Variants in TRPM8 observed in about 807,000 individuals in gnomAD.
TRPM8 encodes TRPM8 cationic channel.
Under a neutral mutation model 133.7 loss-of-function variants are expected in TRPM8, and 110 were observed. The ratio of observed to expected loss-of-function variants is 0.82; its 90% confidence interval spans 0.70 to 0.96. The LOEUF (loss-of-function observed/expected upper bound fraction) is 0.96. Among genes scored for constraint, TRPM8 ranks in the 40% least tolerant of loss-of-function variants. The pLI, the probability that TRPM8 is intolerant of heterozygous loss-of-function variation, is 0.00. For missense variants in TRPM8, 1,291 were observed against 1,379.5 expected, an observed-to-expected ratio of 0.94 and a Z score of 1.02; for synonymous variants, 535 against 532.3, an observed-to-expected ratio of 1.01 and a Z score of -0.07.
intron 21 of TRPM8, among the ~76,000 whole-genome samples, chr2:233,991,094 G>A (rs1692265042): frequency 6.6e-6 from 1 of 152,092 alleles, no homozygotes; most frequent in South Asian, 2.1e-4. Context: ...AGGAGAGGTA[G>A]AAGCAGGGGA....
intron 3 of TRPM8, among the ~76,000 whole-genome samples, chr2:233,932,719 T>G (rs1691704904): frequency 6.6e-6 from 1 of 151,906 alleles, no homozygotes; most frequent in Non-Finnish European, 1.5e-5. Context: ...CCTCAGGGTC[T>G]TCCAGTTCCC....
intron 11 of TRPM8, among the ~76,000 whole-genome samples, chr2:233,958,262 A>G (rs1299627163): frequency 6.6e-6 from 1 of 152,180 alleles, no homozygotes; most frequent in Non-Finnish European, 1.5e-5. Context: ...CCTCGCAACC[A>G]TCTATTTCTT....
chr2:234,016,815 G>T (rs1407802105), intron 25 of TRPM8, among the ~76,000 whole-genome samples: 2 of 152,124 alleles, frequency 1.3e-5, no homozygotes, highest in Non-Finnish European at 2.9e-5. Flanking sequence ...TTTAAGGAAG[G>T]TCCCTGGAAG....
intron 3 of TRPM8, among the ~76,000 whole-genome samples, chr2:233,934,975 T>G (rs1691760257): frequency 6.6e-6 from 1 of 152,202 alleles, no homozygotes; most frequent in Non-Finnish European, 1.5e-5. Flanking sequence ...TTAAATAAGG[T>G]GAACAGTAAA....
chr2:233,975,651 C>T (rs745509850), intron 17 of TRPM8, among the ~76,000 whole-genome samples: 4 of 152,184 alleles, frequency 2.6e-5, no homozygotes, highest in African/African-American at 4.8e-5. Context: ...GAGGCCAAGG[C>T]GGGCGGATCA....
At chr2:233,985,893 T>C in intron 21 of TRPM8, 28 bp downstream of exon 21, 4 of 1,586,538 alleles carry the variant, frequency 2.5e-6, no homozygotes, top group Non-Finnish European at 3.4e-6. Flanking sequence ...TGTTCACTGA[T>C]GTCCACCCTG....
At position 233,970,371 on chromosome 2, in the gene TRPM8, C is replaced by T. The variant is rs148846269; in HGVS notation, c.2300C>T (p.Pro767Leu). 6.2e-7 allele frequency: 1 copy of T among 1,614,024 alleles called. No homozygotes were observed. Among genetic ancestry groups the T allele is most frequent in the South Asian group, 1.1e-5 (1 of 91,080 alleles). Residue 767 changes from proline (P) to leucine (L), a missense_variant, in exon 17 of 26, where the codon CCC becomes CTC. Transcript: ENST00000324695. ...LMDFHSVPHP[P>L]ELVLYSLVFV... is the part of the protein sequence containing the mutation. Reference sequence around the variant, plus strand: ...GATTTCCATTCGGTGCCACACCCCCCCGAGCTGGTCCTGTACTCGCTGGTC... The same window carrying T: ...GATTTCCATTCGGTGCCACACCCCCTCGAGCTGGTCCTGTACTCGCTGGTC...
intron 25 of TRPM8, 23 bp from the exon 26 acceptor site, chr2:234,017,275 AG>A (rs1326531213): frequency 4.3e-6 from 2 of 470,272 alleles, no homozygotes; most frequent in African/African-American, 4.0e-5. Flanking sequence ...TTCTTAACAC[AG>A]TGTTCTTTCT....
At chr2:233,963,058 C>A (rs1197081161) in intron 12 of TRPM8, among the ~76,000 whole-genome samples, 1 of 152,140 alleles carries the variant, frequency 6.6e-6, no homozygotes. Flanking sequence ...CCCTTTATAC[C>A]TTTTCATCTA....
chr2:233,937,374 C>G lies in TRPM8; in HGVS notation c.213C>G (p.Gly71=), dbSNP rs779224949. 1.9e-6 allele frequency: 3 copies of G among 1,614,124 alleles called. No individual in the cohort carries two copies. The highest frequency in any genetic ancestry group is 2.2e-5 in the South Asian group (2 of 91,074). Residue 71 remains glycine, a synonymous_variant, in exon 4 of 26, where the codon GGC becomes GGG. Coordinates refer to ENST00000324695, the MANE Select transcript of TRPM8 (RefSeq NM_024080.5). The part of the protein sequence containing the change: ...SKATENVCKC[G]YAQSQHMEGT... ...TCAGGGAGAATGTGTGCAAGTGTGGCTATGCCCAGAGCCAGCACATGGAAG... is the reference window on the plus strand; with the variant it reads ...TCAGGGAGAATGTGTGCAAGTGTGGGTATGCCCAGAGCCAGCACATGGAAG...
intron 12 of TRPM8, among the ~76,000 whole-genome samples, chr2:233,961,600 G>A (rs529225850): frequency 5.3e-4 from 79 of 149,238 alleles, no homozygotes; most frequent in Non-Finnish European, 9.5e-4. Flanking sequence ...CACCGTGCCC[G>A]GCCTCTTTTT....
intron 21 of TRPM8, among the ~76,000 whole-genome samples, chr2:233,987,384 A>G (rs1454860609): frequency 6.6e-6 from 1 of 152,276 alleles, no homozygotes; most frequent in East Asian, 1.9e-4. Flanking sequence ...CACACATTAC[A>G]TTCATAATTT....
rs1191618286 is a variant in TRPM8 at position 233,937,394 on chromosome 2, T to C, written c.233T>C (p.Met78Thr). 1.2e-6 allele frequency: 2 copies of C among 1,614,136 alleles called. No homozygotes were observed. The highest frequency in any genetic ancestry group is 2.2e-5 in the South Asian group (2 of 91,076). Residue 78 changes from methionine to threonine, a missense_variant, in exon 4 of 26, where the codon ATG becomes ACG. Met to Thr is a moderately conservative substitution (Grantham distance 81). This residue lies in a region of TRPM8 where 963 missense variants were observed against 968.9 expected (regional missense o/e 0.99). Transcript: ENST00000324695. ...CKCGYAQSQH[M>T]EGTQINQSEK... ...TGTGGCTATGCCCAGAGCCAGCACA[T>C]GGAAGGCACCCAGATCAACCAAAGT...
At chr2:234,008,775 C>T (rs1375472680) in intron 24 of TRPM8, among the ~76,000 whole-genome samples, 2 of 152,144 alleles carry the variant, frequency 1.3e-5, no homozygotes, top group Non-Finnish European at 2.9e-5. Flanking sequence ...AAATCTCCAC[C>T]ACCCAGTACC....
In TRPM8 at chr2:233,989,278, C is replaced by G. The variant is rs1311896190; in HGVS notation, c.2939+3413C>G. ...CACTTTCAGGTGAAGGAGATGAAGT[C>G]CCAGCAGCTCAGCGTCTGTGGTCCT... On this transcript the variant is annotated intron_variant, in intron 21 of 25. Coordinates refer to ENST00000324695, the MANE Select transcript of TRPM8 (RefSeq NM_024080.5). The surrounding 1 kb of genome is among the most constrained non-coding windows in gnomAD (Gnocchi z 4.2). Among the ~76,000 whole-genome samples the G allele has an allele frequency of 6.6e-6, 1 of 152,144 alleles. No individual in the cohort carries two copies. Among genetic ancestry groups the G allele is most frequent in the Non-Finnish European group, 1.5e-5 (1 of 68,024 alleles).
chr2:233,990,312 C>A (rs1692243214), intron 21 of TRPM8, among the ~76,000 whole-genome samples: 1 of 152,102 alleles, frequency 6.6e-6, no homozygotes, highest in Non-Finnish European at 1.5e-5. Context: ...GAGTCAAAAG[C>A]AAAAGCAAGC....
chr2:234,009,027 C>T (rs985224476), intron 24 of TRPM8, among the ~76,000 whole-genome samples: 1 of 152,198 alleles, frequency 6.6e-6, no homozygotes, highest in Admixed American at 6.5e-5. Context: ...CAGAAGAGAG[C>T]CCAGTGGGAA....
At chr2:233,960,598 G>C (rs1007052084) in intron 11 of TRPM8, among the ~76,000 whole-genome samples, 178 bp from the exon 12 acceptor site, 2 of 152,188 alleles carry the variant, frequency 1.3e-5, no homozygotes, top group Non-Finnish European at 2.9e-5. Flanking sequence ...GTAATCCTCT[G>C]TTGTGTTAAA....
chr2:233,996,346 A>G lies in TRPM8; in HGVS notation c.2960A>G (p.Gln987Arg), dbSNP rs200248747. The stretch of plus-strand genomic sequence containing the variant: ...ACCAGCTACACGGTGGGCACCGTCC[A>G]GGAGAACAATGACCAGGTCTGGAAG... ...AMFGYTVGTV[Q>R]ENNDQVWKFQ... is the part of the protein sequence containing the mutation. Residue 987 changes from glutamine to arginine, a missense_variant, in exon 22 of 26, where the codon CAG becomes CGG. This residue lies in a region of TRPM8 where 328 missense variants were observed against 410.6 expected (regional missense o/e 0.80). Coordinates refer to ENST00000324695, the MANE Select transcript of TRPM8 (RefSeq NM_024080.5). 4.3e-6 allele frequency: 7 copies of G among 1,614,122 alleles called. No individual in the cohort carries two copies. The highest frequency in any genetic ancestry group is 1.6e-4 in the Middle Eastern group (1 of 6,062).
Sources: allele counts gnomAD v4.1 joint callset (sites outside exome capture counted in the v4.1 genomes callset), GRCh38; gene constraint gnomAD v4.1.1; regional missense constraint gnomAD v4.1.1; non-coding constraint Gnocchi (gnomAD v3.1); transcripts MANE v1.5; gene names NCBI Gene and HGNC (gene_info 2026-07-23, HGNC 2026-07-21).